Variants in AP4E1 observed in about 807,000 individuals in gnomAD.
AP4E1 encodes adaptor related protein complex 4 subunit epsilon 1, also known as AP-4 complex subunit epsilon-1.
AP4E1 carries 56 observed loss-of-function variants against 128.2 expected under a neutral mutation model. The observed-to-expected ratio is 0.44, with a 90% CI of 0.35 to 0.55. AP4E1 has a LOEUF of 0.55. Among genes scored for constraint, AP4E1 ranks in the 20% least tolerant of loss-of-function variants. The pLI, the probability that AP4E1 is intolerant of heterozygous loss-of-function variation, is 0.00. For missense variants in AP4E1, 1,324 were observed against 1,307.7 expected (o/e 1.01, Z -0.19); for synonymous variants, 484 against 473.1 (o/e 1.02, Z -0.30).
intron 1 of AP4E1, among the ~76,000 whole-genome samples, chr15:50,910,319 A>G (rs371322756): frequency 6.6e-6 from 1 of 152,160 alleles, no homozygotes; most frequent in Non-Finnish European, 1.5e-5. Flanking sequence ...ATTGTGTAGT[A>G]TACCGATTCA....
chr15:50,992,376 A>C (rs1016338305), intron 16 of AP4E1, among the ~76,000 whole-genome samples: 1 of 152,150 alleles, frequency 6.6e-6, no homozygotes, highest in Non-Finnish European at 1.5e-5. Context: ...TTCAAGGGTC[A>C]TTGGTATGTA....
chr15:50,999,502 A>C (rs2064929184), intron 19 of AP4E1, among the ~76,000 whole-genome samples: 2 of 152,196 alleles, frequency 1.3e-5, no homozygotes, highest in Admixed American at 6.5e-5. Context: ...AGGGATTATA[A>C]TGAGAGACCT....
chr15:50,908,568 G>C (rs1205399670), upstream of AP4E1: 1 of 529,702 alleles, frequency 1.9e-6, no homozygotes, highest in Non-Finnish European at 3.0e-6. Context: ...AATCTCGAGC[G>C]AGCGGCCTTT....
In AP4E1 at chr15:50,968,123, G is replaced by A; in HGVS notation, c.1852-140G>A. On this transcript the variant is annotated intron_variant, in intron 14 of 20. Transcript: ENST00000261842. ...TCATGAGCCACCATGCCTGGCTGTG[G>A]TAGCATTTTTAGAACTGAAGTTTTC... is the stretch of plus-strand genomic sequence containing the variant. 1.3e-5 allele frequency: 8 copies of A among 628,378 alleles called. No individual in the cohort carries two copies. The South Asian group carries it at 1.4e-4, about 11-fold the overall frequency. 38.9% of individuals were successfully genotyped at this position (628,378 alleles called of 1,614,324 possible).
In AP4E1 at chr15:50,984,498, C is replaced by A. The variant is rs1015082593; in HGVS notation, c.2090+353C>A. Among the ~76,000 whole-genome samples, 4 of 142,272 alleles carry A rather than the reference C, an allele frequency of 2.8e-5. No individual in the cohort carries two copies. In the Admixed American group the frequency reaches 2.9e-4, roughly 10 times the overall value. The allele number at this position is 142,272 out of a possible 152,430, so 93.3% of individuals were successfully genotyped here. On this transcript the variant is annotated intron_variant, in intron 16 of 20. Coordinates refer to ENST00000261842, the MANE Select transcript of AP4E1 (RefSeq NM_007347.5). ...ACAGGCCCTGGTGTGTGATGTTCCC[C>A]TTCCTGTGTCCAAGTGTTCTCAATG...
intron 15 of AP4E1, among the ~76,000 whole-genome samples, chr15:50,978,917 T>G (rs1332438977): frequency 1.3e-5 from 2 of 152,194 alleles, no homozygotes; most frequent in South Asian, 2.1e-4. Flanking sequence ...GGTTTGAACT[T>G]TATTCTCAAC....
chr15:50,977,706 G>GTTTTTTTTTT (rs1401774266), intron 15 of AP4E1, among the ~76,000 whole-genome samples: 802 of 80,176 alleles, frequency 0.01, 66 homozygotes, highest in African/African-American at 0.028. Context: ...ATCTGTTATG[G>GTTTTTTTTTT]TTTTTTTTTT....
At chr15:50,951,786 G>A (rs12903317) in intron 13 of AP4E1, among the ~76,000 whole-genome samples, 26,837 of 147,852 alleles carry the variant, frequency 0.18, 2,523 homozygotes, top group South Asian at 0.22. Context: ...GAGTGCAGTG[G>A]CGTGAACTCA....
At chr15:50,949,285 C>G (rs2064111756) in intron 11 of AP4E1, among the ~76,000 whole-genome samples, 2 of 150,896 alleles carry the variant, frequency 1.3e-5, no homozygotes, top group Non-Finnish European at 1.5e-5. Context: ...TGGTGGTGTG[C>G]ACCTGTAGTC....
intron 10 of AP4E1, among the ~76,000 whole-genome samples, chr15:50,942,106 G>A (rs1596472883): frequency 6.6e-6 from 1 of 152,044 alleles, no homozygotes; most frequent in African/African-American, 2.4e-5. Context: ...TAGTAGAAAC[G>A]GGGTTTCACC....
intron 10 of AP4E1, among the ~76,000 whole-genome samples, chr15:50,947,073 G>T (rs975107784): frequency 6.6e-6 from 1 of 151,698 alleles, no homozygotes; most frequent in Non-Finnish European, 1.5e-5. Flanking sequence ...TCTAGCCTGG[G>T]CTACAGAGTG....
rs753810600 is a variant in AP4E1, at chr15:50,950,031, GT to G, written c.1430-19del. On this transcript the variant is annotated intron_variant, in intron 12 of 20. Coordinates refer to ENST00000261842, the MANE Select transcript of AP4E1 (RefSeq NM_007347.5). ...AGATAAGTTTGTGGAAATTAAAATG[GT>G]GTATCAATTTCTTTGTAGGTTTTGA... 3 of 1,591,018 alleles carry G rather than the reference GT, an allele frequency of 1.9e-6. No homozygotes were observed. The Admixed American group carries it at 5.0e-5, about 27-fold the overall frequency.
At chr15:50,949,570 A>G (rs1309474011) in intron 11 of AP4E1, among the ~76,000 whole-genome samples, 1 of 152,090 alleles carries the variant, frequency 6.6e-6, no homozygotes, top group Non-Finnish European at 1.5e-5. Context: ...GTTATTTCAC[A>G]TTTATTTATT....
At chr15:50,988,250 G>A (rs930391919) in intron 16 of AP4E1, among the ~76,000 whole-genome samples, 2 of 152,162 alleles carry the variant, frequency 1.3e-5, no homozygotes, top group Non-Finnish European at 2.9e-5. Context: ...CTACCAAACA[G>A]CAGATGTATG....
chr15:50,995,613 C>T (rs532830162), intron 17 of AP4E1, among the ~76,000 whole-genome samples: 3 of 151,822 alleles, frequency 2.0e-5, no homozygotes, highest in East Asian at 1.9e-4. Context: ...CTCAAACTCC[C>T]GACTTCAAGT....
At chr15:50,969,389 T>C (rs2064444467) in intron 15 of AP4E1, among the ~76,000 whole-genome samples, 1 of 152,212 alleles carries the variant, frequency 6.6e-6, no homozygotes, top group Non-Finnish European at 1.5e-5. Flanking sequence ...TATCATGTTG[T>C]TCACTGTGCT....
At chr15:50,984,523 G>A (rs1400149184) in intron 16 of AP4E1, among the ~76,000 whole-genome samples, 1 of 138,226 alleles carries the variant, frequency 7.2e-6, no homozygotes, top group Admixed American at 8.3e-5. Context: ...TGTTCTCAAT[G>A]TTCAATTCCC....
chr15:50,908,196 C>T (rs942260466), upstream of AP4E1, among the ~76,000 whole-genome samples: 1 of 152,146 alleles, frequency 6.6e-6, no homozygotes, highest in Admixed American at 6.5e-5. Flanking sequence ...ACGCCGAATC[C>T]TCAGGACAGC....
intron 16 of AP4E1, among the ~76,000 whole-genome samples, chr15:50,990,738 A>T (rs2064795010): frequency 6.6e-6 from 1 of 152,170 alleles, no homozygotes; most frequent in Admixed American, 6.5e-5. Flanking sequence ...ATTTGTGTCG[A>T]TCATAAGTAT....
Sources: gnomAD v4.1 joint callset for allele counts (sites outside exome capture counted in the v4.1 genomes callset) on GRCh38, gnomAD v4.1.1 for gene constraint, MANE v1.5 for transcripts, NCBI Gene and HGNC (gene_info 2026-07-23, HGNC 2026-07-21) for gene names.